GLYATL2: variants seen among roughly 807,000 people sequenced by gnomAD.
The protein encoded by GLYATL2 is glycine N-acyltransferase-like protein 2.
Under a neutral mutation model 21.4 loss-of-function variants are expected in GLYATL2, and 25 were observed. The ratio of observed to expected loss-of-function variants is 1.17; its 90% CI spans 0.85 to 1.63. GLYATL2 has a LOEUF of 1.63. Among genes scored for constraint, GLYATL2 ranks in the 40% most tolerant of loss-of-function variants. The pLI, the probability that GLYATL2 is intolerant of heterozygous loss-of-function variation, is 0.00. For synonymous variants in GLYATL2, 114 were observed against 118.2 expected (o/e 0.96, Z 0.23); for missense variants, 361 against 343.3 (o/e 1.05, Z -0.41).
chr11:58,868,523 G>A lies in GLYATL2; in HGVS notation n.61-30155C>T, dbSNP rs138593474. On this transcript the variant is annotated intron_variant and non_coding_transcript_variant, in intron 1 of 4. Coordinates refer to the GLYATL2 transcript ENST00000533636. ...CCGAACTTGCATCTCCTATGCTACAGCATCCAATTCAGCTGTCTTTCTTGG... is the reference window on the plus strand; with the variant it reads ...CCGAACTTGCATCTCCTATGCTACAACATCCAATTCAGCTGTCTTTCTTGG... 1.1e-3 allele frequency among the ~76,000 whole-genome samples: 162 copies of A among 149,262 alleles called. 8 individuals are homozygous for A. Among genetic ancestry groups the A allele is most frequent in the African/African-American group, 3.7e-3 (154 of 41,390 alleles).
chr11:58,876,341 G>A (rs564809828), intron 1 of GLYATL2, among the ~76,000 whole-genome samples: 26 of 152,290 alleles, frequency 1.7e-4, no homozygotes, highest in Admixed American at 3.9e-4. Flanking sequence ...GAGGAGCTGC[G>A]TTCCTTTGGA....
intron 1 of GLYATL2, among the ~76,000 whole-genome samples, chr11:58,875,654 G>C (rs908679957): frequency 6.6e-6 from 1 of 152,214 alleles, no homozygotes; most frequent in Admixed American, 6.5e-5. Context: ...TCTGCCAAGA[G>C]ATCAGCTGTT....
chr11:58,837,784 G>T (rs986950082), intron 3 of GLYATL2, among the ~76,000 whole-genome samples: 1 of 152,210 alleles, frequency 6.6e-6, no homozygotes. Flanking sequence ...GACCCAGGGG[G>T]CTGGCTCAGT....
intron 1 of GLYATL2, among the ~76,000 whole-genome samples, chr11:58,851,762 T>C (rs1006674467): frequency 1.3e-5 from 2 of 152,154 alleles, no homozygotes; most frequent in African/African-American, 4.8e-5. Flanking sequence ...TCATAAGTAA[T>C]GTTAAAGAGT....
chr11:58,861,635 C>T (rs1008761080), intron 1 of GLYATL2, among the ~76,000 whole-genome samples: 6 of 151,298 alleles, frequency 4.0e-5, no homozygotes, highest in African/African-American at 9.7e-5. Context: ...TTTATAGTTC[C>T]GTGAAGTGTA....
At chr11:58,887,195 G>T (rs1439352365) in intron 1 of GLYATL2, among the ~76,000 whole-genome samples, 2 of 152,074 alleles carry the variant, frequency 1.3e-5, no homozygotes, top group Non-Finnish European at 2.9e-5. Flanking sequence ...TTTTTATAAA[G>T]TTAGTCAATA....
At chr11:58,881,687 A>G (rs1483432782) in intron 1 of GLYATL2, among the ~76,000 whole-genome samples, 1 of 152,172 alleles carries the variant, frequency 6.6e-6, no homozygotes, top group Non-Finnish European at 1.5e-5. Flanking sequence ...TGCTGCACCC[A>G]TTAACTCATC....
chr11:58,890,073 ATAGT>A (rs1565107535), intron 1 of GLYATL2, among the ~76,000 whole-genome samples: 1 of 152,078 alleles, frequency 6.6e-6, no homozygotes, highest in Non-Finnish European at 1.5e-5. Flanking sequence ...CATATACCCA[ATAGT>A]TAGTTTTCTA....
chr11:58,876,906 G>A (rs1429933573), intron 1 of GLYATL2, among the ~76,000 whole-genome samples: 1 of 152,400 alleles, frequency 6.6e-6, no homozygotes, highest in East Asian at 1.9e-4. Flanking sequence ...ACAGAGGCAG[G>A]CAGGCCTCCT....
In GLYATL2 at chr11:58,864,382, A is replaced by G. The variant is rs1853987959; in HGVS notation, n.61-26014T>C. ...TCTGGCATTAAATTAAGATGTACCCAGAAACCAAGTCCACCAGGCAAGCCT... is the reference window on the plus strand; with the variant it reads ...TCTGGCATTAAATTAAGATGTACCCGGAAACCAAGTCCACCAGGCAAGCCT... On this transcript the variant is annotated intron_variant and non_coding_transcript_variant, in intron 1 of 4. Transcript: ENST00000533636. Among the ~76,000 whole-genome samples the G allele has an allele frequency of 1.5e-5, 2 of 129,630 alleles. 1 individual carries two copies. Among genetic ancestry groups the G allele is most frequent in the Admixed American group, 1.8e-4 (2 of 11,124 alleles). 85.0% of individuals were successfully genotyped at this position (129,630 alleles called of 152,430 possible). A position where few individuals can be genotyped will look rare whatever the true frequency, so the allele number is the denominator to read the frequency against.
At chr11:58,842,952 ATTGTTTTATATTAGAAGTGTTTGGGTT>A (rs1853579837) in intron 1 of GLYATL2, among the ~76,000 whole-genome samples, 1 of 152,056 alleles carries the variant, frequency 6.6e-6, no homozygotes, top group Non-Finnish European at 1.5e-5. Flanking sequence ...CATTTAGTTC[ATTGTTTTATATTAGAAGTGTTTGGGTT>A]CTTTATTTAT....
the GLYATL2 span, among the ~76,000 whole-genome samples, chr11:58,909,738 C>G: frequency 6.6e-6 from 1 of 152,092 alleles, no homozygotes; most frequent in African/African-American, 2.4e-5. Flanking sequence ...AGTGTGGTGC[C>G]AAGATCTCAG....
rs535687163 is a variant in GLYATL2 at position 58,854,265 on chromosome 11, T to C, written n.61-15897A>G. Among the ~76,000 whole-genome samples, 28 of 152,296 alleles carry C rather than the reference T, an allele frequency of 1.8e-4. 1 individual carries two copies. In the South Asian group the frequency reaches 4.8e-3, roughly 26 times the overall value. Reference sequence around the variant, plus strand: ...ATTGTGAATAATTCTACAATGTACATAGAAGTGCAGATATCTGTTTAACAT... The same window carrying C: ...ATTGTGAATAATTCTACAATGTACACAGAAGTGCAGATATCTGTTTAACAT... On this transcript the variant is annotated intron_variant and non_coding_transcript_variant, in intron 1 of 4. Transcript: ENST00000533636.
chr11:58,878,494 C>T, intron 1 of GLYATL2: 1 of 203,484 alleles, frequency 4.9e-6, no homozygotes, highest in Non-Finnish European at 9.7e-6. Flanking sequence ...AGAAAATGGA[C>T]TAGGTCTAGG....
At chr11:58,871,797 C>A (rs1265700248) in intron 1 of GLYATL2, among the ~76,000 whole-genome samples, 1 of 151,980 alleles carries the variant, frequency 6.6e-6, no homozygotes, top group Admixed American at 6.6e-5. Flanking sequence ...GGGTATATAC[C>A]CAGTAATGGG....
intron 1 of GLYATL2, among the ~76,000 whole-genome samples, chr11:58,879,131 T>C (rs1854288662): frequency 6.6e-6 from 1 of 152,138 alleles, no homozygotes; most frequent in Non-Finnish European, 1.5e-5. Flanking sequence ...ATAGCATTTA[T>C]TCTGTTTTCA....
At chr11:58,901,975 A>T (rs1325428409) in intron 1 of GLYATL2, among the ~76,000 whole-genome samples, 1 of 152,022 alleles carries the variant, frequency 6.6e-6, no homozygotes, top group African/African-American at 2.4e-5. Context: ...TCTTTACTTG[A>T]AGAGAGAGAG....
chr11:58,902,651 G>A (rs565787660), intron 1 of GLYATL2, among the ~76,000 whole-genome samples: 54 of 152,210 alleles, frequency 3.5e-4, no homozygotes, highest in African/African-American at 1.2e-3. Context: ...CACCTCACCC[G>A]ACCATGTGAG....
rs1228416859 is a variant in GLYATL2, at chr11:58,844,611, A to G, written c.-218T>C. 2.0e-5 allele frequency: 3 copies of G among 152,202 alleles called. No homozygotes were observed. Among genetic ancestry groups the G allele is most frequent in the African/African-American group, 7.2e-5 (3 of 41,454 alleles). The allele number at this position is 152,202 out of a possible 1,614,324, so 9.4% of individuals were successfully genotyped here. A position where few individuals can be genotyped will look rare whatever the true frequency, so the allele number is the denominator to read the frequency against. On this transcript the variant is annotated 5_prime_UTR_variant, in exon 1 of 6. Transcript: ENST00000287275. ...GTTATGGGTTCCTGTAGATTAAACC[A>G]GACGTTCTGTCCATAGACAAGAAAT... is the stretch of plus-strand genomic sequence containing the variant.
Sources: gnomAD v4.1 joint callset for allele counts (sites outside exome capture counted in the v4.1 genomes callset) on GRCh38, gnomAD v4.1.1 for gene constraint, MANE v1.5 for transcripts, NCBI Gene and HGNC (gene_info 2026-07-23, HGNC 2026-07-21) for gene names.